The following U2SURP variants were observed in gnomAD, a reference collection of about 807,000 sequenced individuals.
U2SURP encodes U2 snRNP-associated SURP motif-containing protein.
Under a neutral mutation model 144.9 loss-of-function variants are expected in U2SURP, and 9 were observed. The ratio of observed to expected loss-of-function variants is 0.06; its 90% CI spans 0.04 to 0.11. The LOEUF is 0.11. Among genes scored for constraint, U2SURP ranks in the 10% least tolerant of loss-of-function variants. The pLI, the probability that U2SURP is intolerant of heterozygous loss-of-function variation, is 1.00. For missense variants in U2SURP, 724 were observed against 1,226.7 expected (o/e 0.59, Z 6.12); for synonymous variants, 408 against 396.8 (o/e 1.03, Z -0.33).
chr3:143,023,415 A>G (rs1445371932), intron 12 of U2SURP: 2 of 187,974 alleles, frequency 1.1e-5, no homozygotes, highest in African/African-American at 2.4e-5. Context: ...AAGACCTCCT[A>G]AGTAGTTATT....
chr3:143,023,421 T>A, intron 12 of U2SURP: 1 of 183,698 alleles, frequency 5.4e-6, no homozygotes, highest in Non-Finnish European at 1.1e-5. Flanking sequence ...TCCTAAGTAG[T>A]TATTGTTTGG....
intron 20 of U2SURP, chr3:143,036,897 C>T: frequency 2.7e-6 from 1 of 373,156 alleles, no homozygotes; most frequent in East Asian, 4.8e-5. Flanking sequence ...TGCAAAACAA[C>T]AGCAAAAACC....
In U2SURP at chr3:143,057,780, A is replaced by C. The variant is rs1306928447; in HGVS notation, c.*1330A>C. 1 of 151,824 alleles carries C rather than the reference A, an allele frequency of 6.6e-6. No homozygotes were observed. The highest frequency in any genetic ancestry group is 1.5e-5 in the Non-Finnish European group (1 of 67,802). 9.4% of individuals were successfully genotyped at this position (151,824 alleles called of 1,614,324 possible). On this transcript the variant is annotated 3_prime_UTR_variant, in exon 28 of 28. Coordinates refer to ENST00000473835, the MANE Select transcript of U2SURP (RefSeq NM_001080415.2). ...TTCTAACAATGGATTATTTTGATTT[A>C]GCTTGCTTTTTAAAAAAATCTTTTC...
At chr3:143,038,802 CTT>C (rs1303998162) in intron 22 of U2SURP, 90 bp from the exon 23 acceptor site, 1 of 923,956 alleles carries the variant, frequency 1.1e-6, no homozygotes, top group South Asian at 1.8e-5. Context: ...GTAATATAAA[CTT>C]TTCAATTCTA....
rs981201788 is a variant in U2SURP at position 143,053,875 on chromosome 3, C to G, written c.2774+81C>G. On this transcript the variant is annotated intron_variant, in intron 26 of 27. Coordinates refer to ENST00000473835, the MANE Select transcript of U2SURP (RefSeq NM_001080415.2). Reference sequence around the variant, plus strand: ...TTTTATAATACTTTCATCATTGATGCCCGCAAACTGGAAGTGTTTGTTCAT... The same window carrying G: ...TTTTATAATACTTTCATCATTGATGGCCGCAAACTGGAAGTGTTTGTTCAT... 22 of 1,141,276 alleles carry G rather than the reference C, an allele frequency of 1.9e-5. No individual in the cohort carries two copies. The East Asian group carries it at 5.7e-4, about 30-fold the overall frequency. The allele number at this position is 1,141,276 out of a possible 1,614,324, so 70.7% of individuals were successfully genotyped here.
chr3:143,033,593 G>A (rs1191625675), intron 18 of U2SURP, among the ~76,000 whole-genome samples: 1 of 152,104 alleles, frequency 6.6e-6, no homozygotes, highest in Non-Finnish European at 1.5e-5. Flanking sequence ...AATATAGTAT[G>A]AAAACTCTAC....
At chr3:143,037,364 C>G (rs1344228714) in intron 21 of U2SURP, 29 bp downstream of exon 21, 4 of 1,598,866 alleles carry the variant, frequency 2.5e-6, no homozygotes, top group Admixed American at 3.4e-5. Context: ...CTGATTAAAT[C>G]TAGCTAATAC....
At chr3:143,053,881 A>G in intron 26 of U2SURP, 87 bp downstream of exon 26, 2 of 1,106,700 alleles carry the variant, frequency 1.8e-6, no homozygotes, top group Non-Finnish European at 2.5e-6. Context: ...GATGCCCGCA[A>G]ACTGGAAGTG....
rs1256436210 is a variant in U2SURP, at chr3:143,033,254, A to G, written c.1774-17A>G. 4.1e-6 allele frequency: 6 copies of G among 1,452,618 alleles called. No individual in the cohort carries two copies. The highest frequency in any genetic ancestry group is 9.4e-7 in the Non-Finnish European group (1 of 1,060,492). 90.0% of individuals were successfully genotyped at this position (1,452,618 alleles called of 1,614,324 possible). ...GCCTTATATTAACCTATTTTGTGTT[A>G]TCTTTTGATATTATAGATTGCCAGA... On this transcript the variant is annotated splice_polypyrimidine_tract_variant and intron_variant, in intron 17 of 27. Transcript: ENST00000473835.
intron 10 of U2SURP, among the ~76,000 whole-genome samples, chr3:143,022,143 A>G (rs182711669): frequency 1.3e-4 from 20 of 152,302 alleles, no homozygotes; most frequent in African/African-American, 4.1e-4. Context: ...TGTACTAACC[A>G]TGCCTGCTTG....
intron 7 of U2SURP, 108 bp downstream of exon 7, chr3:143,020,144 T>C: frequency 1.6e-6 from 1 of 613,904 alleles, no homozygotes; most frequent in Non-Finnish European, 2.6e-6. Flanking sequence ...ACTAACCAGT[T>C]TGCTATGAGA....
At chr3:143,023,260 G>T in intron 12 of U2SURP, 196 bp downstream of exon 12, 1 of 495,600 alleles carries the variant, frequency 2.0e-6, no homozygotes, top group South Asian at 3.4e-5. Flanking sequence ...TTTTATTTGT[G>T]GCTACCATTC....
intron 13 of U2SURP, among the ~76,000 whole-genome samples, chr3:143,025,148 T>G (rs541598986): frequency 6.6e-6 from 1 of 152,182 alleles, no homozygotes; most frequent in South Asian, 2.1e-4. Context: ...AAAATACTTA[T>G]AAACTTTTAA....
rs1046311837 is a variant in U2SURP, at chr3:143,032,912, C to T, written c.1739C>T (p.Ser580Leu). ...AEEIVDCITE[S>L]LSILKTPLPK... ...GAAATAGTGGATTGCATTACTGAGT[C>T]GTTGTCCATCTTAAAGACACCCCTT... The change falls in exon 17 of 28, where the codon TCG becomes TTG. Residue 580 changes from serine to leucine, a missense_variant. Coordinates refer to ENST00000473835, the MANE Select transcript of U2SURP (RefSeq NM_001080415.2). The T allele has an allele frequency of 6.2e-7, 1 of 1,613,188 alleles. No homozygotes were observed. Among genetic ancestry groups the T allele is most frequent in the African/African-American group, 1.3e-5 (1 of 75,006 alleles).
chr3:143,006,542 G>A (rs575087800), intron 1 of U2SURP, among the ~76,000 whole-genome samples: 28 of 152,316 alleles, frequency 1.8e-4, no homozygotes, highest in Non-Finnish European at 7.3e-5. Context: ...GATCACCTGA[G>A]GTCGGGAGTT....
At chr3:143,016,184 C>T (rs1936364437) in intron 4 of U2SURP, 73 bp from the exon 5 acceptor site, 1 of 1,353,626 alleles carries the variant, frequency 7.4e-7, no homozygotes, top group Admixed American at 1.8e-5. Flanking sequence ...CATATTATTC[C>T]TTGATGAATT....
At chr3:143,048,245 T>A (rs1578169676) in intron 24 of U2SURP, among the ~76,000 whole-genome samples, 2 of 152,342 alleles carry the variant, frequency 1.3e-5, no homozygotes, top group East Asian at 3.9e-4. Context: ...GTCTTGGACT[T>A]GTGCTTGAGC....
intron 1 of U2SURP, among the ~76,000 whole-genome samples, chr3:143,007,952 G>A (rs944319427): frequency 1.3e-5 from 2 of 152,208 alleles, no homozygotes; most frequent in Admixed American, 6.5e-5. Context: ...TGTTTGAACT[G>A]TTAAAGTTCC....
At chr3:143,035,851 T>G in intron 19 of U2SURP, 131 bp from the exon 20 acceptor site, 4 of 953,410 alleles carry the variant, frequency 4.2e-6, no homozygotes, top group Non-Finnish European at 5.8e-6. Context: ...TATATAGTTA[T>G]TTTCTTTAAA....
Sources: allele counts gnomAD v4.1 joint callset (sites outside exome capture counted in the v4.1 genomes callset), GRCh38; gene constraint gnomAD v4.1.1; transcripts MANE v1.5; gene names NCBI Gene and HGNC (gene_info 2026-07-23, HGNC 2026-07-21).